NAV1: variants seen among roughly 807,000 people sequenced by gnomAD.
NAV1 encodes pore membrane and/or filament interacting like protein 3.
A neutral mutation model predicts 175.2 loss-of-function variants in NAV1; 18 were observed. That is an observed-to-expected ratio of 0.10 (90% CI 0.07 to 0.15). NAV1 has a LOEUF of 0.15. Ranked by LOEUF, NAV1 falls within the 10% of genes least tolerant of loss-of-function variation. The pLI, the probability that NAV1 is intolerant of heterozygous loss-of-function variation, is 1.00. For synonymous variants in NAV1, 897 were observed against 978.7 expected, an observed-to-expected ratio of 0.92 and a Z score of 1.56; for missense variants, 1,731 against 2,436.6, an observed-to-expected ratio of 0.71 and a Z score of 6.10.
At chr1:201,660,892 A>AG (rs1485353861) in intron 1 of NAV1, among the ~76,000 whole-genome samples, 1 of 152,180 alleles carries the variant, frequency 6.6e-6, no homozygotes, top group African/African-American at 2.4e-5. Context: ...CCAGGGTGGC[A>AG]GGGGGAGCAC....
intron 2 of NAV1, among the ~76,000 whole-genome samples, chr1:201,601,608 G>A (rs190341369): frequency 2.8e-4 from 42 of 152,182 alleles, no homozygotes; most frequent in Admixed American, 1.9e-3. Context: ...ACCTTAGAGA[G>A]ACTCTTCACT....
At chr1:201,651,122 C>CGTGTGTGT (rs60462710) in intron 1 of NAV1, among the ~76,000 whole-genome samples, 21,954 of 128,956 alleles carry the variant, frequency 0.17, 2,499 homozygotes, top group Middle Eastern at 0.27. Context: ...AGGAAGGGAC[C>CGTGTGTGT]GTGTGTGTGT....
At chr1:201,588,507 C>T (rs1371832270) in intron 1 of NAV1, among the ~76,000 whole-genome samples, 32 bp from the exon 2 acceptor site, 1 of 149,146 alleles carries the variant, frequency 6.7e-6, no homozygotes, top group African/African-American at 2.5e-5. Context: ...GCCACCACAC[C>T]CAGCTGATTA....
intron 1 of NAV1, among the ~76,000 whole-genome samples, chr1:201,564,239 G>T (rs967820162): frequency 8.5e-5 from 13 of 152,128 alleles, no homozygotes; most frequent in Admixed American, 5.9e-4. Flanking sequence ...TTGTAGGTGT[G>T]AAAGGAATAG....
At chr1:201,657,526 A>G (rs959018623) in intron 1 of NAV1, among the ~76,000 whole-genome samples, 1 of 152,148 alleles carries the variant, frequency 6.6e-6, no homozygotes, top group Non-Finnish European at 1.5e-5. Context: ...TCTTTGGAAC[A>G]AGACCTGATA....
chr1:201,621,299 T>G (rs1372681720), upstream of NAV1, among the ~76,000 whole-genome samples: 2 of 151,916 alleles, frequency 1.3e-5, no homozygotes, highest in Non-Finnish European at 2.9e-5. Flanking sequence ...TAATTCCTTG[T>G]TTTTCATACT....
At chr1:201,618,743 C>T (rs1467352689), upstream of NAV1, among the ~76,000 whole-genome samples, 1 of 152,142 alleles carries the variant, frequency 6.6e-6, no homozygotes, top group Non-Finnish European at 1.5e-5. Flanking sequence ...ATTTTCTTTA[C>T]CTGTGAAAGG....
chr1:201,717,776 C>A (rs533316430), intron 2 of NAV1, among the ~76,000 whole-genome samples: 1 of 152,246 alleles, frequency 6.6e-6, no homozygotes, highest in African/African-American at 2.4e-5. Flanking sequence ...ATTCCCAAAG[C>A]TTTTCCTATA....
At chr1:201,633,572 G>T (rs1668536676) in intron 2 of NAV1, among the ~76,000 whole-genome samples, 4 of 152,186 alleles carry the variant, frequency 2.6e-5, no homozygotes, top group Admixed American at 2.6e-4. Flanking sequence ...CAATGAGGAA[G>T]GAAATGGGAT....
chr1:201,608,514 G>T (rs981093686), intron 2 of NAV1, among the ~76,000 whole-genome samples: 2 of 152,184 alleles, frequency 1.3e-5, no homozygotes, highest in African/African-American at 4.8e-5. Flanking sequence ...GGTCAGTGAG[G>T]CACCGAGTAC....
intron 1 of NAV1, among the ~76,000 whole-genome samples, chr1:201,708,421 C>G (rs893101643): frequency 6.6e-6 from 1 of 150,466 alleles, no homozygotes; most frequent in Non-Finnish European, 1.5e-5. Context: ...CCCCTTCCCC[C>G]CTCAAACCCT....
At chr1:201,778,966 A>T (rs1016494443) in intron 3 of NAV1, among the ~76,000 whole-genome samples, 5 of 152,260 alleles carry the variant, frequency 3.3e-5, no homozygotes, top group African/African-American at 1.2e-4. Context: ...CTGCACACAG[A>T]TAACAAGGAT....
chr1:201,665,590 A>ATAGGTGGGCAGATAGCAC (rs1553251084), intron 1 of NAV1, among the ~76,000 whole-genome samples: 1 of 128,534 alleles, frequency 7.8e-6, no homozygotes, highest in African/African-American at 3.0e-5. Context: ...AGAGCACCCC[A>ATAGGTGGGCAGATAGCAC]CCCCCCCCAC....
rs114320643 is a variant in NAV1 at position 201,624,941 on chromosome 1, G to T, written c.-101+1335G>T. Among the ~76,000 whole-genome samples, 496 of 152,274 alleles carry T rather than the reference G, an allele frequency of 3.3e-3. 1 individual carries two copies. Among genetic ancestry groups the T allele is most frequent in the African/African-American group, 0.011 (449 of 41,556 alleles). ...GAACCACTAGGAGCTTTAACCTTCA[G>T]CAGAAGGCAACTTGTGTATCTTAAT... is the stretch of plus-strand genomic sequence containing the variant. On this transcript the variant is annotated intron_variant, in intron 1 of 29. Transcript: ENST00000367302.
At chr1:201,691,427 C>G (rs1262320539) in intron 1 of NAV1, among the ~76,000 whole-genome samples, 1 of 152,146 alleles carries the variant, frequency 6.6e-6, no homozygotes, top group Non-Finnish European at 1.5e-5. Context: ...TTGTTTTGGT[C>G]AGCTTTTTAT....
rs139573395 is a variant in NAV1, at chr1:201,745,116, C to G, written c.1226+26361C>G. Among the ~76,000 whole-genome samples the G allele has an allele frequency of 1.0e-3, 152 of 152,302 alleles. 1 individual carries two copies. The highest frequency in any genetic ancestry group is 3.6e-3 in the African/African-American group (151 of 41,564). On this transcript the variant is annotated intron_variant, in intron 3 of 29. Transcript: ENST00000367296. ...GAGAATTCATCCTCAGCCTAACTTT[C>G]TTGGGATGCTTCAGGAATTTCCTAG...
At chr1:201,714,005 C>G (rs1672027941) in intron 2 of NAV1, among the ~76,000 whole-genome samples, 1 of 152,172 alleles carries the variant, frequency 6.6e-6, no homozygotes. Context: ...AAGACCGAGT[C>G]TCATTCTGTC....
At chr1:201,817,483 C>G (rs1430454682) in intron 29 of NAV1, among the ~76,000 whole-genome samples, 198 bp downstream of exon 33, 1 of 151,906 alleles carries the variant, frequency 6.6e-6, no homozygotes, top group Non-Finnish European at 1.5e-5. Flanking sequence ...AAAAAAAAAC[C>G]CTGAATTCTT....
intron 1 of NAV1, among the ~76,000 whole-genome samples, chr1:201,664,225 C>A (rs574491401): frequency 1.7e-4 from 26 of 152,236 alleles, no homozygotes; most frequent in African/African-American, 6.0e-4. Context: ...TCTTATAATC[C>A]CAGCTACTCG....
Sources: allele counts gnomAD v4.1 joint callset (sites outside exome capture counted in the v4.1 genomes callset), GRCh38; gene constraint gnomAD v4.1.1; transcripts MANE v1.5; gene names NCBI Gene and HGNC (gene_info 2026-07-23, HGNC 2026-07-21).